The following LRRC3 variants were observed in gnomAD, a reference collection of about 807,000 sequenced individuals.
LRRC3 encodes leucine rich repeat containing 3.
For missense variants in LRRC3, 351 were observed against 361.6 expected, an observed-to-expected ratio of 0.97 and a Z score of 0.24; for synonymous variants, 172 against 164.1, an observed-to-expected ratio of 1.05 and a Z score of -0.37.
rs763895359 is a variant in LRRC3 at position 44,457,073 on chromosome 21, C to A, written c.429C>A (p.Ser143=). 4.4e-6 allele frequency: 7 copies of A among 1,608,998 alleles called. 1 individual carries two copies. The South Asian group carries it at 6.6e-5, about 15-fold the overall frequency. ...AACTCAGCGCCAAGATACGCCTGTC[C>A]CACAACCCCCTGCACTGCGAGTGCG... ...LGKLSAKIRL[S]HNPLHCECAL... Residue 143 remains serine, a synonymous_variant, in exon 2 of 2, where the codon TCC becomes TCA. Coordinates refer to ENST00000291592, the MANE Select transcript of LRRC3 (RefSeq NM_030891.6).
rs1429092258 is a variant in LRRC3, at chr21:44,457,395, G to C, written c.751G>C (p.Asp251His). ...TCTGCCCAGCGCCCCCGCCTCCAAG[G>C]ACCCCATCGGCCCGGGGCCCTAGCG... ...KSLPSAPASKDPIGPGP is the reference protein window; with the variant it reads ...KSLPSAPASKHPIGPGP Residue 251 changes from aspartate (D) to histidine (H), a missense_variant, in exon 2 of 2, where the codon GAC becomes CAC. By Grantham distance (81) the Asp-to-His change is moderately conservative. Transcript: ENST00000291592. 1 of 1,595,530 alleles carries C rather than the reference G, an allele frequency of 6.3e-7. No individual in the cohort carries two copies. Among genetic ancestry groups the C allele is most frequent in the Non-Finnish European group, 8.6e-7 (1 of 1,167,198 alleles).
chr21:44,460,703 G>A lies in LRRC3; in HGVS notation c.*3285G>A, dbSNP rs557612358. The A allele has an allele frequency of 2.0e-5, 3 of 152,228 alleles. No homozygotes were observed. The highest frequency in any genetic ancestry group is 7.2e-5 in the African/African-American group (3 of 41,518). The allele number at this position is 152,228 out of a possible 1,614,324, so 9.4% of individuals were successfully genotyped here. On this transcript the variant is annotated 3_prime_UTR_variant, in exon 2 of 2. Coordinates refer to ENST00000291592, the MANE Select transcript of LRRC3 (RefSeq NM_030891.6). The stretch of plus-strand genomic sequence containing the variant: ...CGCCCATTCACCACTTTCACCCCGG[G>A]AACCTACCTGGGCATCATGGGAGGC...
Position 44,456,642 on chromosome 21 carries a change from A to T in LRRC3, c.-3A>T. The T allele has an allele frequency of 6.3e-7, 1 of 1,584,626 alleles. No homozygotes were observed. Among genetic ancestry groups the T allele is most frequent in the Non-Finnish European group, 8.6e-7 (1 of 1,165,252 alleles). On this transcript the variant is annotated 5_prime_UTR_variant, in exon 2 of 2. Coordinates refer to ENST00000291592, the MANE Select transcript of LRRC3 (RefSeq NM_030891.6). The stretch of plus-strand genomic sequence containing the variant: ...CGTGTCCCCGTCCCCAGGTCAGGTC[A>T]GGATGGGCACCGTGCGCCCACCTCG...
Position 44,457,558 on chromosome 21 carries a change from T to C in LRRC3, c.*140T>C. 1.0e-6 allele frequency: 1 copy of C among 990,894 alleles called. No homozygotes were observed. The highest frequency in any genetic ancestry group is 1.5e-6 in the Non-Finnish European group (1 of 686,460). 61.4% of individuals were successfully genotyped at this position (990,894 alleles called of 1,614,324 possible). A position where few individuals can be genotyped will look rare whatever the true frequency, so the allele number is the denominator to read the frequency against. ...TGTTGCACTCAGGCACAGCAGCACC[T>C]CCAGGCTGGGTGGTTTTGCCACACA... is the stretch of plus-strand genomic sequence containing the variant. On this transcript the variant is annotated 3_prime_UTR_variant, in exon 2 of 2. Coordinates refer to ENST00000291592, the MANE Select transcript of LRRC3 (RefSeq NM_030891.6).
chr21:44,457,486 T>C lies in LRRC3; in HGVS notation c.*68T>C, dbSNP rs1601289299. ...TGTAGTAGGTGGTGACTGATGCTGC[T>C]TTTGCTCTTCCCTGAGGCAGGTGTC... On this transcript the variant is annotated 3_prime_UTR_variant, in exon 2 of 2. Coordinates refer to ENST00000291592, the MANE Select transcript of LRRC3 (RefSeq NM_030891.6). 1.3e-6 allele frequency: 2 copies of C among 1,494,074 alleles called. No individual in the cohort carries two copies. The highest frequency in any genetic ancestry group is 4.6e-5 in the East Asian group (2 of 43,350). The allele number at this position is 1,494,074 out of a possible 1,614,324, so 92.6% of individuals were successfully genotyped here. A position where few individuals can be genotyped will look rare whatever the true frequency, so the allele number is the denominator to read the frequency against.
chr21:44,457,063 T>C lies in LRRC3; in HGVS notation c.419T>C (p.Ile140Thr). 6.2e-7 allele frequency: 1 copy of C among 1,608,114 alleles called. No individual in the cohort carries two copies. The highest frequency in any genetic ancestry group is 8.5e-7 in the Non-Finnish European group (1 of 1,179,660). Residue 140 changes from isoleucine to threonine, a missense_variant, in exon 2 of 2, where the codon ATA becomes ACA. By Grantham distance (89) the Ile-to-Thr change is moderately conservative. Transcript: ENST00000291592. ...GCCCTGGGCAAACTCAGCGCCAAGA[T>C]ACGCCTGTCCCACAACCCCCTGCAC... ...KDALGKLSAK[I>T]RLSHNPLHCE... is the part of the protein sequence containing the mutation.
rs1414502693 is a variant in LRRC3, at chr21:44,457,160, C to A, written c.516C>A (p.Cys172Ter). ...LDPDSVDEIACHTSVQEEFVG... is the reference protein window; with the variant it reads ...LDPDSVDEIA The stretch of plus-strand genomic sequence containing the variant: ...CCGACTCTGTGGACGAGATCGCCTG[C>A]CACACCTCAGTGCAGGAGGAGTTTG... The change falls in exon 2 of 2, where the codon TGC becomes TGA. Residue 172 changes from cysteine (C) to a stop codon, truncating the protein, a stop_gained. Transcript: ENST00000291592. LOFTEE classifies it high-confidence loss of function. 2 of 1,613,652 alleles carry A rather than the reference C, an allele frequency of 1.2e-6. No homozygotes were observed. The highest frequency in any genetic ancestry group is 4.5e-5 in the East Asian group (2 of 44,882).
In LRRC3 at chr21:44,460,225, C is replaced by T. The variant is rs2051734963; in HGVS notation, c.*2807C>T. On this transcript the variant is annotated 3_prime_UTR_variant, in exon 2 of 2. Transcript: ENST00000291592. ...TCTTGTGACCTCTTTACTGGCGGGG[C>T]CTGGAGCCCATGATGGACACTTGCG... The T allele has an allele frequency of 6.6e-6, 1 of 152,344 alleles. No homozygotes were observed. The highest frequency in any genetic ancestry group is 2.1e-4 in the South Asian group (1 of 4,826). 9.4% of individuals were successfully genotyped at this position (152,344 alleles called of 1,614,324 possible). A position where few individuals can be genotyped will look rare whatever the true frequency, so the allele number is the denominator to read the frequency against.
chr21:44,457,434 AC>A lies in LRRC3; in HGVS notation c.*21del. The A allele has an allele frequency of 1.3e-6, 2 of 1,522,772 alleles. No individual in the cohort carries two copies. Among genetic ancestry groups the A allele is most frequent in the Admixed American group, 4.1e-5 (2 of 48,758 alleles). 94.3% of individuals were successfully genotyped at this position (1,522,772 alleles called of 1,614,324 possible). On this transcript the variant is annotated 3_prime_UTR_variant, in exon 2 of 2. Transcript: ENST00000291592. Reference sequence around the variant, plus strand: ...GGGGCCCTAGCGCCTGTTCCGGCAGACCCCCGCCGGTGGCTGCTGTCACTTT... The same window carrying A: ...GGGGCCCTAGCGCCTGTTCCGGCAGACCCCGCCGGTGGCTGCTGTCACTTT...
At position 44,457,107 on chromosome 21, in the gene LRRC3, GA is replaced by G; in HGVS notation, c.464del (p.Glu155GlyfsTer6). The G allele has an allele frequency of 6.2e-7, 1 of 1,611,878 alleles. No homozygotes were observed. The highest frequency in any genetic ancestry group is 8.5e-7 in the Non-Finnish European group (1 of 1,180,008). On this transcript the variant is annotated frameshift_variant, in exon 2 of 2. Coordinates refer to ENST00000291592, the MANE Select transcript of LRRC3 (RefSeq NM_030891.6). LOFTEE classifies it low-confidence loss of function (END_TRUNC). The part of the protein sequence containing the change: ...NPLHCECALQ[E>X]ALWELKLDPD... Reference sequence around the variant, plus strand: ...CCTGCACTGCGAGTGCGCCCTGCAGGAGGCCCTGTGGGAGCTGAAGCTGGAC... The same window carrying G: ...CCTGCACTGCGAGTGCGCCCTGCAGGGGCCCTGTGGGAGCTGAAGCTGGAC...
intron 1 of LRRC3, among the ~76,000 whole-genome samples, chr21:44,456,159 T>C (rs2051697617): frequency 6.6e-6 from 1 of 151,992 alleles, no homozygotes; most frequent in Admixed American, 6.5e-5. Context: ...AGGGAGGGGC[T>C]GGGTGGTCCA....
rs1019058694 is a variant in LRRC3, at chr21:44,460,767, A to G, written c.*3349A>G. The G allele has an allele frequency of 1.3e-5, 2 of 151,866 alleles. No homozygotes were observed. Among genetic ancestry groups the G allele is most frequent in the African/African-American group, 4.8e-5 (2 of 41,276 alleles). 9.4% of individuals were successfully genotyped at this position (151,866 alleles called of 1,614,324 possible). A position where few individuals can be genotyped will look rare whatever the true frequency, so the allele number is the denominator to read the frequency against. On this transcript the variant is annotated 3_prime_UTR_variant, in exon 2 of 2. Coordinates refer to ENST00000291592, the MANE Select transcript of LRRC3 (RefSeq NM_030891.6). ...CAACCCAACCCTAACTCTAATGCTA[A>G]CCCCTAAACCATCCCCCACCCTAAC... is the stretch of plus-strand genomic sequence containing the variant.
chr21:44,456,948 G>T lies in LRRC3; in HGVS notation c.304G>T (p.Ala102Ser). The part of the protein sequence containing the change: ...ELDLSHNAIE[A>S]IGSATFAGLA... ...GGATCTGTCTCACAACGCCATCGAG[G>T]CCATCGGCTCCGCCACCTTCGCGGG... Residue 102 changes from alanine to serine, a missense_variant, in exon 2 of 2, where the codon GCC (alanine) becomes TCC (serine). Ala to Ser is a moderately conservative substitution (Grantham distance 99). Coordinates refer to ENST00000291592, the MANE Select transcript of LRRC3 (RefSeq NM_030891.6). 6.2e-7 allele frequency: 1 copy of T among 1,609,174 alleles called. No homozygotes were observed. Among genetic ancestry groups the T allele is most frequent in the African/African-American group, 1.3e-5 (1 of 75,060 alleles).
intron 1 of LRRC3, among the ~76,000 whole-genome samples, chr21:44,456,261 G>GA (rs2051698566): frequency 6.6e-6 from 1 of 152,202 alleles, no homozygotes; most frequent in Non-Finnish European, 1.5e-5. Context: ...GGGCCATGCG[G>GA]AGCCCCCTGG....
chr21:44,456,465 C>T, intron 1 of LRRC3, 33 bp from the exon 2 acceptor site: 1 of 665,618 alleles, frequency 1.5e-6, no homozygotes, highest in Non-Finnish European at 2.5e-6. Flanking sequence ...ACCCTCCCTC[C>T]CTCTCCGCTC....
chr21:44,456,545 G>A lies in LRRC3; in HGVS notation c.-100G>A, dbSNP rs1346337358. ...GCTTCTCCCAGCGGGGCAGGATGGC[G>A]GTTTCATGTCTGGTTGGATAAGGCC... On this transcript the variant is annotated 5_prime_UTR_variant, in exon 2 of 2. Transcript: ENST00000291592. 3.9e-6 allele frequency: 5 copies of A among 1,275,804 alleles called. No individual in the cohort carries two copies. The highest frequency in any genetic ancestry group is 1.4e-5 in the South Asian group (1 of 70,544). 79.0% of individuals were successfully genotyped at this position (1,275,804 alleles called of 1,614,324 possible).
Position 44,456,491 on chromosome 21 carries a change from C to A in LRRC3, c.-147-7C>A. 1 of 820,152 alleles carries A rather than the reference C, an allele frequency of 1.2e-6. No homozygotes were observed. The highest frequency in any genetic ancestry group is 2.6e-5 in the Admixed American group (1 of 38,362). The allele number at this position is 820,152 out of a possible 1,614,324, so 50.8% of individuals were successfully genotyped here. A position where few individuals can be genotyped will look rare whatever the true frequency, so the allele number is the denominator to read the frequency against. On this transcript the variant is annotated splice_polypyrimidine_tract_variant and splice_region_variant and intron_variant, in intron 1 of 1. Coordinates refer to ENST00000291592, the MANE Select transcript of LRRC3 (RefSeq NM_030891.6). ...CTCTCCGCTCCCTCCTGCGTCTTCC[C>A]TTTCAGAGCTGCCAGAGTGGACTGC...
intron 1 of LRRC3, among the ~76,000 whole-genome samples, chr21:44,456,027 T>C (rs1317229216): frequency 6.6e-6 from 1 of 152,204 alleles, no homozygotes; most frequent in African/African-American, 2.4e-5. Flanking sequence ...AGGCGTTGGC[T>C]GCTGGAGTAG....
rs1212874578 is a variant in LRRC3 at position 44,461,119 on chromosome 21, A to G, written c.*3701A>G. 2.6e-5 allele frequency: 4 copies of G among 152,342 alleles called. No individual in the cohort carries two copies. The allele number at this position is 152,342 out of a possible 1,614,324, so 9.4% of individuals were successfully genotyped here. A position where few individuals can be genotyped will look rare whatever the true frequency, so the allele number is the denominator to read the frequency against. ...GGATGGGCCCAGAGCTGGTATAGCC[A>G]CCAGCAGAGCCATCCTGATCCACAG... On this transcript the variant is annotated 3_prime_UTR_variant, in exon 2 of 2. Coordinates refer to ENST00000291592, the MANE Select transcript of LRRC3 (RefSeq NM_030891.6).
Sources: gnomAD v4.1 joint callset for allele counts (sites outside exome capture counted in the v4.1 genomes callset) on GRCh38, gnomAD v4.1.1 for gene constraint, MANE v1.5 for transcripts, NCBI Gene and HGNC (gene_info 2026-07-23, HGNC 2026-07-21) for gene names.